Variants in GOLGA6L6 observed in about 807,000 individuals in gnomAD.
GOLGA6L6 encodes golgin A6 family like 6 (gene/pseudogene), also known as golgin subfamily A member 6-like protein 6.
GOLGA6L6 carries 12 observed loss-of-function variants against 75.6 expected under a neutral mutation model. That is an observed-to-expected ratio of 0.16 (90% CI 0.10 to 0.26). The LOEUF (loss-of-function observed/expected upper bound fraction) is 0.26, where lower values mean the gene tolerates loss of function less well. GOLGA6L6 is among the 10% of genes least tolerant of loss of function. The pLI, the probability that GOLGA6L6 is intolerant of heterozygous loss-of-function variation, is 1.00. For synonymous variants in GOLGA6L6, 38 were observed against 179.2 expected (o/e 0.21, Z 6.29); for missense variants, 144 against 598.5 (o/e 0.24, Z 7.92).
chr15:20,534,203 A>T, intron 8 of GOLGA6L6, 56 bp downstream of exon 8: 1 of 632,498 alleles, frequency 1.6e-6, no homozygotes, highest in Non-Finnish European at 2.6e-6. Flanking sequence ...TCCCCCCAAG[A>T]GCTCGGCCTT....
intron 5 of GOLGA6L6, among the ~76,000 whole-genome samples, 160 bp from the exon 6 acceptor site, chr15:20,537,032 TTTTC>T (rs1171986733): frequency 1.1e-4 from 5 of 44,454 alleles, no homozygotes; most frequent in African/African-American, 1.0e-4. Context: ...TCTCATTTGT[TTTTC>T]TTTCTTTCTT....
At chr15:20,537,465 T>C (rs1441041296) in intron 5 of GOLGA6L6, among the ~76,000 whole-genome samples, 12 of 144,214 alleles carry the variant, frequency 8.3e-5, no homozygotes, top group African/African-American at 3.1e-4. Context: ...TTGCTATTAC[T>C]GTTAGTACTA....
intron 5 of GOLGA6L6, among the ~76,000 whole-genome samples, chr15:20,537,568 A>G (rs1292168499): frequency 6.7e-6 from 1 of 148,288 alleles, no homozygotes; most frequent in Non-Finnish European, 1.5e-5. Context: ...GGTTACCATT[A>G]TTACCTCTAT....
In GOLGA6L6 at chr15:20,534,893, A is replaced by G. The variant is rs1216938127; in HGVS notation, c.1541T>C (p.Ile514Thr). The part of the protein sequence containing the change: ...EEKMWRQEEK[I>T]REQEEMWREE... The stretch of plus-strand genomic sequence containing the variant: ...CCTCCACATCTCCTCCTGCTCCCGT[A>G]TCTTCTCCTCCTGCCTCCACATCTT... Residue 514 changes from isoleucine to threonine, a missense_variant, in exon 8 of 9, where the codon ATA (isoleucine) becomes ACA (threonine). Physicochemically the swap from Ile to Thr is moderately conservative, Grantham distance 89. Coordinates refer to ENST00000619213, the MANE Select transcript of GOLGA6L6 (RefSeq NM_001145004.2). 3 of 1,385,270 alleles carry G rather than the reference A, an allele frequency of 2.2e-6. No individual in the cohort carries two copies. The highest frequency in any genetic ancestry group is 4.5e-5 in the Admixed American group (2 of 44,238). The allele number at this position is 1,385,270 out of a possible 1,614,324, so 85.8% of individuals were successfully genotyped here.
chr15:20,532,387 G>A lies in GOLGA6L6; in HGVS notation c.*1216C>T, dbSNP rs898485244. On this transcript the variant is annotated 3_prime_UTR_variant, in exon 9 of 9. Coordinates refer to ENST00000619213, the MANE Select transcript of GOLGA6L6 (RefSeq NM_001145004.2). Reference sequence around the variant, plus strand: ...CTATTAAAGGTATAAAAAAAAATTAGCCAGGCATGGTGGCACACGCTACTC... The same window carrying A: ...CTATTAAAGGTATAAAAAAAAATTAACCAGGCATGGTGGCACACGCTACTC... 7 of 121,562 alleles carry A rather than the reference G, an allele frequency of 5.8e-5. No individual in the cohort carries two copies. Among genetic ancestry groups the A allele is most frequent in the Non-Finnish European group, 8.7e-5 (5 of 57,306 alleles). The allele number at this position is 121,562 out of a possible 1,614,324, so 7.5% of individuals were successfully genotyped here.
At chr15:20,536,128 TA>T (rs1890365482) in intron 7 of GOLGA6L6, among the ~76,000 whole-genome samples, 2 of 40,296 alleles carry the variant, frequency 5.0e-5, no homozygotes, top group African/African-American at 1.9e-4. Context: ...TTTAAAAAAA[TA>T]TTTTTAAGCC....
rs1180421907 is a variant in GOLGA6L6, at chr15:20,535,006, C to G, written c.1428G>C (p.Glu476Asp). Residue 476 changes from glutamate to aspartate, a missense_variant, in exon 8 of 9, where the codon GAG becomes GAC. Transcript: ENST00000619213. Reference protein sequence around the residue: ...WRQKEKMHEQEEKIRKQEEKV... With the variant: ...WRQKEKMHEQDEKIRKQEEKV... ...TCTCCTCCTGCTTCCGTATCTTCTCCTCCTGCTCGTGCATCTTCTCCTTTT... is the reference window on the plus strand; with the variant it reads ...TCTCCTCCTGCTTCCGTATCTTCTCGTCCTGCTCGTGCATCTTCTCCTTTT... 4.8e-6 allele frequency: 7 copies of G among 1,461,596 alleles called. No homozygotes were observed. The Admixed American group carries it at 6.5e-5, about 14-fold the overall frequency. The allele number at this position is 1,461,596 out of a possible 1,614,324, so 90.5% of individuals were successfully genotyped here.
Position 20,534,580 on chromosome 15 carries a change from T to C in GOLGA6L6, c.1854A>G (p.Glu618=), listed in dbSNP as rs1450213276. 2 of 1,531,096 alleles carry C rather than the reference T, an allele frequency of 1.3e-6. No homozygotes were observed. Among genetic ancestry groups the C allele is most frequent in the African/African-American group, 3.0e-5 (2 of 67,390 alleles). 94.8% of individuals were successfully genotyped at this position (1,531,096 alleles called of 1,614,324 possible). A position where few individuals can be genotyped will look rare whatever the true frequency, so the allele number is the denominator to read the frequency against. ...CCTGCTCCCCCATCTTCTCTTCCTGTTCCTGCGTCATCTCCTCCTGCTCTC... is the reference window on the plus strand; with the variant it reads ...CCTGCTCCCCCATCTTCTCTTCCTGCTCCTGCGTCATCTCCTCCTGCTCTC... ...KIREQEEMTQ[E]QEEKMGEQEE... Residue 618 remains glutamate (E), a synonymous_variant, in exon 8 of 9, where the codon GAA becomes GAG. Transcript: ENST00000619213.
At chr15:20,537,507 C>A (rs1890395219) in intron 5 of GOLGA6L6, among the ~76,000 whole-genome samples, 1 of 146,936 alleles carries the variant, frequency 6.8e-6, no homozygotes, top group South Asian at 2.1e-4. Context: ...AGTGCTTCAC[C>A]AGGCACTATG....
rs1890427744 is a variant in GOLGA6L6, at chr15:20,538,627, TC to T, written c.342+8del. The T allele has an allele frequency of 9.3e-7, 1 of 1,075,928 alleles. No individual in the cohort carries two copies. The highest frequency in any genetic ancestry group is 1.3e-6 in the Non-Finnish European group (1 of 757,420). 66.6% of individuals were successfully genotyped at this position (1,075,928 alleles called of 1,614,324 possible). ...GAGGGCAGGAGGGAACTTCACACCC[TC>T]CACTCACCTCTAGCTCCCTCCTTAG... On this transcript the variant is annotated splice_region_variant and intron_variant, in intron 3 of 8. Transcript: ENST00000619213.
rs1328436826 is a variant in GOLGA6L6, at chr15:20,532,589, T to A, written c.*1014A>T. The A allele has an allele frequency of 7.0e-6, 1 of 142,438 alleles. No individual in the cohort carries two copies. The highest frequency in any genetic ancestry group is 1.5e-5 in the Non-Finnish European group (1 of 65,030). 8.8% of individuals were successfully genotyped at this position (142,438 alleles called of 1,614,324 possible). Reference sequence around the variant, plus strand: ...AAAGGCAGAGGAGCTTGTTACGGATTCGCCTCCCCACAAGAGCAGTTAGAA... The same window carrying A: ...AAAGGCAGAGGAGCTTGTTACGGATACGCCTCCCCACAAGAGCAGTTAGAA... On this transcript the variant is annotated 3_prime_UTR_variant, in exon 9 of 9. Transcript: ENST00000619213.
intron 5 of GOLGA6L6, among the ~76,000 whole-genome samples, chr15:20,537,369 A>G (rs1890390683): frequency 7.6e-6 from 1 of 131,698 alleles, no homozygotes; most frequent in Admixed American, 8.0e-5. Context: ...TTTTTCAAAG[A>G]ACTCAGTGAA....
intron 6 of GOLGA6L6, 64 bp from the exon 7 acceptor site, chr15:20,536,547 AC>A: frequency 2.2e-6 from 1 of 448,254 alleles, no homozygotes; most frequent in Non-Finnish European, 3.5e-6. Flanking sequence ...TTGGTGATTG[AC>A]CCCCTACCCT....
chr15:20,534,629 A>C lies in GOLGA6L6; in HGVS notation c.1805T>G (p.Ile602Arg), dbSNP rs1453428994. 1 of 1,081,604 alleles carries C rather than the reference A, an allele frequency of 9.2e-7. No homozygotes were observed. Among genetic ancestry groups the C allele is most frequent in the African/African-American group, 1.7e-5 (1 of 59,674 alleles). 67.0% of individuals were successfully genotyped at this position (1,081,604 alleles called of 1,614,324 possible). A position where few individuals can be genotyped will look rare whatever the true frequency, so the allele number is the denominator to read the frequency against. The change falls in exon 8 of 9, where the codon ATA becomes AGA. Residue 602 changes from isoleucine to arginine, a missense_variant. Coordinates refer to ENST00000619213, the MANE Select transcript of GOLGA6L6 (RefSeq NM_001145004.2). ...EEKIREQEEK[I>R]REQEEKIREQ... ...TCGTATCTTCTCCTCCTGCTCCCGT[A>C]TCTTCTCCTCCTGCTCCCGTATCTT...
Position 20,534,460 on chromosome 15 carries a change from T to C in GOLGA6L6, c.1974A>G (p.Ile658Met), listed in dbSNP as rs1890288511. ...EEKIREQEKK[I>M]REQEEKIREQ... is the part of the protein sequence containing the mutation. The stretch of plus-strand genomic sequence containing the variant: ...CTCGTATCTTCTCCTCCTGCTCCCG[T>C]ATCTTCTTCTCCTGCTCCCTTATCT... The change falls in exon 8 of 9, where the codon ATA becomes ATG. Residue 658 changes from isoleucine to methionine, a missense_variant. By Grantham distance (10) the Ile-to-Met change is conservative. Coordinates refer to ENST00000619213, the MANE Select transcript of GOLGA6L6 (RefSeq NM_001145004.2). The C allele has an allele frequency of 7.0e-7, 1 of 1,420,744 alleles. No individual in the cohort carries two copies. The highest frequency in any genetic ancestry group is 9.3e-7 in the Non-Finnish European group (1 of 1,075,716). 88.0% of individuals were successfully genotyped at this position (1,420,744 alleles called of 1,614,324 possible).
In GOLGA6L6 at chr15:20,539,241, G is replaced by A. The variant is rs1054395929; in HGVS notation, c.291+532C>T. Among the ~76,000 whole-genome samples, 41 of 57,290 alleles carry A rather than the reference G, an allele frequency of 7.2e-4. 13 individuals carry two copies. Among genetic ancestry groups the A allele is most frequent in the African/African-American group, 3.2e-3 (41 of 12,844 alleles). The allele number at this position is 57,290 out of a possible 152,430, so 37.6% of individuals were successfully genotyped here. On this transcript the variant is annotated intron_variant, in intron 2 of 8. Coordinates refer to ENST00000619213, the MANE Select transcript of GOLGA6L6 (RefSeq NM_001145004.2). ...ACAGAAACCTTCAGAGGTGGAGTGCGAGAAAAGCCCACCCTTCCGCCAGCT... is the reference window on the plus strand; with the variant it reads ...ACAGAAACCTTCAGAGGTGGAGTGCAAGAAAAGCCCACCCTTCCGCCAGCT...
chr15:20,534,572 T>C lies in GOLGA6L6; in HGVS notation c.1862A>G (p.Glu621Gly), dbSNP rs749017743. 5 of 1,542,838 alleles carry C rather than the reference T, an allele frequency of 3.2e-6. No homozygotes were observed. In the South Asian group the frequency reaches 6.0e-5, roughly 18 times the overall value. ...CTTCTCCTCCTGCTCCCCCATCTTCTCTTCCTGTTCCTGCGTCATCTCCTC... is the reference window on the plus strand; with the variant it reads ...CTTCTCCTCCTGCTCCCCCATCTTCCCTTCCTGTTCCTGCGTCATCTCCTC... ...EQEEMTQEQE[E>G]KMGEQEEKMC... Residue 621 changes from glutamate to glycine, a missense_variant, in exon 8 of 9, where the codon GAG becomes GGG. Transcript: ENST00000619213.
chr15:20,534,847 C>T lies in GOLGA6L6; in HGVS notation c.1587G>A (p.Glu529=), dbSNP rs1488536794. 29 of 1,207,942 alleles carry T rather than the reference C, an allele frequency of 2.4e-5. No homozygotes were observed. The highest frequency in any genetic ancestry group is 2.3e-5 in the Non-Finnish European group (20 of 863,806). 74.8% of individuals were successfully genotyped at this position (1,207,942 alleles called of 1,614,324 possible). A position where few individuals can be genotyped will look rare whatever the true frequency, so the allele number is the denominator to read the frequency against. The change falls in exon 8 of 9, where the codon GAG becomes GAA. Residue 529 remains glutamate, a synonymous_variant. Coordinates refer to ENST00000619213, the MANE Select transcript of GOLGA6L6 (RefSeq NM_001145004.2). ...TCTCCTCCTCCCATATCTTCTCCTG[C>T]TCATGCATCTTCTCTTCCTCCCTCC... is the stretch of plus-strand genomic sequence containing the variant. ...EMWREEEKMH[E]QEKIWEEEKR...
Position 20,534,499 on chromosome 15 carries a change from C to G in GOLGA6L6, c.1935G>C (p.Trp645Cys). 1 of 1,468,920 alleles carries G rather than the reference C, an allele frequency of 6.8e-7. No homozygotes were observed. Among genetic ancestry groups the G allele is most frequent in the Non-Finnish European group, 9.1e-7 (1 of 1,102,252 alleles). The allele number at this position is 1,468,920 out of a possible 1,614,324, so 91.0% of individuals were successfully genotyped here. The change falls in exon 8 of 9, where the codon TGG becomes TGC. Residue 645 changes from tryptophan (W) to cysteine (C), a missense_variant. Trp to Cys is a radical substitution (Grantham distance 215, BLOSUM62 -2). Coordinates refer to ENST00000619213, the MANE Select transcript of GOLGA6L6 (RefSeq NM_001145004.2). ...GCTCCCTTATCTTCTCCTCCTGCCT[C>G]CACATCGTCTCCTCCTGTTCTTGCA... ...EKMQEQEETM[W>C]RQEEKIREQE... is the part of the protein sequence containing the mutation.
Sources: allele counts gnomAD v4.1 joint callset (sites outside exome capture counted in the v4.1 genomes callset), GRCh38; gene constraint gnomAD v4.1.1; transcripts MANE v1.5; gene names NCBI Gene and HGNC (gene_info 2026-07-23, HGNC 2026-07-21).